FIP1L1: variants seen among roughly 807,000 people sequenced by gnomAD.
FIP1L1 encodes pre-mRNA 3'-end-processing factor FIP1.
In FIP1L1, 21 loss-of-function variants were observed where a neutral mutation model predicts 84.6. The observed-to-expected ratio is 0.25, with a 90% CI of 0.18 to 0.36. FIP1L1 has a LOEUF of 0.36. Among genes scored for constraint, FIP1L1 ranks in the 10% least tolerant of loss-of-function variants. The pLI, the probability that FIP1L1 is intolerant of heterozygous loss-of-function variation, is 1.00. For missense variants in FIP1L1, 526 were observed against 751.1 expected (o/e 0.70, Z 3.50); for synonymous variants, 263 against 242.3 (o/e 1.09, Z -0.80).
At chr4:53,419,235 A>G (rs1466548731) in intron 11 of FIP1L1, among the ~76,000 whole-genome samples, 1 of 152,094 alleles carries the variant, frequency 6.6e-6, no homozygotes, top group Non-Finnish European at 1.5e-5. Flanking sequence ...TAAACATTCA[A>G]GGTTTTTTTG....
intron 13 of FIP1L1, chr4:53,440,560 A>G: frequency 6.9e-7 from 1 of 1,459,334 alleles, no homozygotes; most frequent in Admixed American, 1.9e-5. Context: ...TACTATATTA[A>G]ATTTCATCAC....
chr4:53,413,499 T>C (rs1758089307), intron 10 of FIP1L1, among the ~76,000 whole-genome samples: 1 of 152,134 alleles, frequency 6.6e-6, no homozygotes, highest in South Asian at 2.1e-4. Context: ...TTCCTATTTC[T>C]CTTTCCCTAT....
intron 15 of FIP1L1, among the ~76,000 whole-genome samples, chr4:53,452,564 C>G (rs528672201): frequency 4.6e-5 from 7 of 152,296 alleles, no homozygotes; most frequent in Admixed American, 2.0e-4. Context: ...AGTTATCTGC[C>G]CGCCTTGGCT....
intron 9 of FIP1L1, among the ~76,000 whole-genome samples, chr4:53,397,184 C>A (rs995729079): frequency 2.0e-5 from 3 of 152,170 alleles, no homozygotes; most frequent in Non-Finnish European, 4.4e-5. Context: ...AGAAGAAAAT[C>A]CGATGACACT....
At chr4:53,457,944 A>G (rs2150484867) in intron 16 of FIP1L1, among the ~76,000 whole-genome samples, 1 of 152,218 alleles carries the variant, frequency 6.6e-6, no homozygotes, top group South Asian at 2.1e-4. Context: ...GTGTAATTCA[A>G]TCCAAAATCA....
intron 10 of FIP1L1, among the ~76,000 whole-genome samples, chr4:53,403,215 A>G (rs1751217492): frequency 6.6e-6 from 1 of 152,040 alleles, no homozygotes; most frequent in Non-Finnish European, 1.5e-5. Flanking sequence ...TGCTGATGGG[A>G]ATGAGTTAAA....
chr4:53,383,639 G>T (rs913632431), intron 4 of FIP1L1, 134 bp from the exon 5 acceptor site: 1 of 823,864 alleles, frequency 1.2e-6, no homozygotes, highest in Non-Finnish European at 1.8e-6. Flanking sequence ...TCAAGCCGGG[G>T]CGACAAAGTG....
At chr4:53,414,324 A>G (rs1214051152) in intron 10 of FIP1L1, among the ~76,000 whole-genome samples, 1 of 152,094 alleles carries the variant, frequency 6.6e-6, no homozygotes, top group East Asian at 1.9e-4. Flanking sequence ...TTTTTTGATT[A>G]ATGTATTGTA....
At chr4:53,455,594 A>G (rs1718477744) in intron 16 of FIP1L1, among the ~76,000 whole-genome samples, 1 of 152,086 alleles carries the variant, frequency 6.6e-6, no homozygotes, top group African/African-American at 2.4e-5. Context: ...ACTTACCTGG[A>G]TGCGGCTTAT....
chr4:53,394,278 C>T (rs1049440307), intron 9 of FIP1L1, among the ~76,000 whole-genome samples: 3 of 152,000 alleles, frequency 2.0e-5, no homozygotes, highest in African/African-American at 7.2e-5. Context: ...TATCTTCTGA[C>T]TTAGACTTTT....
rs1579059126 is a variant in FIP1L1, at chr4:53,444,083, G to A, written c.1265G>A (p.Arg422His). The A allele has an allele frequency of 1.2e-6, 2 of 1,606,728 alleles. No homozygotes were observed. The highest frequency in any genetic ancestry group is 1.7e-6 in the Non-Finnish European group (2 of 1,173,786). ...TCTGGTTATGATAGTCGTTCTGCAC[G>A]TGCATTTCCATATGGCAATGGTAAG... The part of the protein sequence containing the change: ...HSSGYDSRSA[R>H]AFPYGNVAFP... The change falls in exon 15 of 18, where the codon CGT becomes CAT. Residue 422 changes from arginine to histidine, a missense_variant. Physicochemically the swap from Arg to His is conservative, Grantham distance 29 (BLOSUM62 0). Coordinates refer to ENST00000337488, the MANE Select transcript of FIP1L1 (RefSeq NM_030917.4).
chr4:53,432,922 C>T (rs1414367075), intron 13 of FIP1L1, among the ~76,000 whole-genome samples: 2 of 151,812 alleles, frequency 1.3e-5, no homozygotes, highest in Non-Finnish European at 1.5e-5. Context: ...TACATGCATA[C>T]GTATTTGTGG....
chr4:53,453,839 G>A (rs1717450573), intron 16 of FIP1L1, among the ~76,000 whole-genome samples: 1 of 152,038 alleles, frequency 6.6e-6, no homozygotes, highest in Admixed American at 6.6e-5. Context: ...ATATCCAGTG[G>A]ATTAAAAACA....
At chr4:53,440,358 G>A (rs1771364888) in intron 13 of FIP1L1, among the ~76,000 whole-genome samples, 2 of 151,968 alleles carry the variant, frequency 1.3e-5, no homozygotes, top group African/African-American at 4.8e-5. Flanking sequence ...ACTAGTGGGG[G>A]AAACCTTGTT....
chr4:53,409,068 A>C (rs535310336), intron 10 of FIP1L1, among the ~76,000 whole-genome samples: 1 of 151,768 alleles, frequency 6.6e-6, no homozygotes, highest in Non-Finnish European at 1.5e-5. Context: ...GAGGAGAGGC[A>C]CTCTGCTTTT....
rs777404403 is a variant in FIP1L1 at position 53,377,909 on chromosome 4, A to C, written c.71A>C (p.Glu24Ala). 7 of 1,598,990 alleles carry C rather than the reference A, an allele frequency of 4.4e-6. No individual in the cohort carries two copies. Among genetic ancestry groups the C allele is most frequent in the Non-Finnish European group, 6.0e-6 (7 of 1,172,716 alleles). ...SGGTGGDEEE[E>A]WLYGGPWDVH... ...GGGACCGGAGGGGATGAGGAGGAAG[A>C]GTGGCTCTATGGCGGTACGAAACTT... Residue 24 changes from glutamate (E) to alanine (A), a missense_variant, in exon 1 of 18, where the codon GAG (glutamate) becomes GCG (alanine). This residue lies in a region of FIP1L1 where 100 missense variants were observed against 107.2 expected (regional missense o/e 0.93). Coordinates refer to ENST00000337488, the MANE Select transcript of FIP1L1 (RefSeq NM_030917.4).
At chr4:53,454,825 C>T (rs1163125959) in intron 16 of FIP1L1, among the ~76,000 whole-genome samples, 3 of 152,282 alleles carry the variant, frequency 2.0e-5, no homozygotes, top group Admixed American at 2.0e-4. Context: ...TTGCCTTCTC[C>T]TCTCTAGCTA....
rs760420470 is a variant in FIP1L1 at position 53,382,346 on chromosome 4, G to T, written c.228+11G>T. 2 of 1,606,620 alleles carry T rather than the reference G, an allele frequency of 1.2e-6. No individual in the cohort carries two copies. On this transcript the variant is annotated intron_variant, in intron 4 of 17. Coordinates refer to ENST00000337488, the MANE Select transcript of FIP1L1 (RefSeq NM_030917.4). ...GGTGTACCAAAACCGGTAACATAAG[G>T]CTTTGAAATCCAGTTACTGATACAA...
chr4:53,452,859 G>A, intron 15 of FIP1L1, 61 bp from the exon 16 acceptor site: 3 of 1,238,876 alleles, frequency 2.4e-6, no homozygotes, highest in South Asian at 1.3e-5. Context: ...CACATTTTTG[G>A]TGGGCATTTT....
Sources: allele counts gnomAD v4.1 joint callset (sites outside exome capture counted in the v4.1 genomes callset), GRCh38; gene constraint gnomAD v4.1.1; regional missense constraint gnomAD v4.1.1; transcripts MANE v1.5; gene names NCBI Gene and HGNC (gene_info 2026-07-23, HGNC 2026-07-21).